EDNRA: variants seen among roughly 807,000 people sequenced by gnomAD.
EDNRA encodes endothelin-1 receptor.
In EDNRA, 11 loss-of-function variants were observed where a neutral mutation model predicts 41.4. That is an observed-to-expected ratio of 0.27 (90% confidence interval 0.17 to 0.44). The LOEUF is 0.44. EDNRA is among the 20% of genes least tolerant of loss of function. The probability of loss-of-function intolerance (pLI) is 1.00; values close to 1 mark genes in which losing one functional copy is unlikely to be tolerated. For synonymous variants in EDNRA, 172 were observed against 183.0 expected (o/e 0.94, Z 0.49); for missense variants, 294 against 531.0 (o/e 0.55, Z 4.39).
intron 4 of EDNRA, among the ~76,000 whole-genome samples, 153 bp downstream of exon 4, chr4:147,532,857 T>G (rs1315210794): frequency 1.1e-4 from 17 of 152,232 alleles, no homozygotes; most frequent in Admixed American, 8.5e-4. Flanking sequence ...GTTAAACCTG[T>G]GTCTAGATTC....
intron 3 of EDNRA, among the ~76,000 whole-genome samples, chr4:147,524,032 T>G (rs1730442735): frequency 6.6e-6 from 1 of 152,168 alleles, no homozygotes; most frequent in African/African-American, 2.4e-5. Flanking sequence ...ACTATCTTTT[T>G]GATCTCTGGA....
chr4:147,505,467 G>C (rs1291694072), intron 2 of EDNRA, among the ~76,000 whole-genome samples: 1 of 148,862 alleles, frequency 6.7e-6, no homozygotes, highest in Non-Finnish European at 1.5e-5. Context: ...TCAGCCTCCT[G>C]AGTAACTAGG....
Position 147,534,719 on chromosome 4 carries a change from T to G in EDNRA, c.748-1158T>G, listed in dbSNP as rs569103300. ...TGAATAAACACAATATTACTATATC[T>G]AAATTTAATTTCTAATATTTTGATA... is the stretch of plus-strand genomic sequence containing the variant. On this transcript the variant is annotated intron_variant, in intron 4 of 7. Coordinates refer to ENST00000651419, the MANE Select transcript of EDNRA (RefSeq NM_001957.4). Among the ~76,000 whole-genome samples the G allele has an allele frequency of 4.6e-5, 7 of 152,368 alleles. No individual in the cohort carries two copies. In the East Asian group the frequency reaches 9.6e-4, roughly 21 times the overall value.
rs13113405 is a variant in EDNRA at position 147,530,794 on chromosome 4, A to G, written c.549-1712A>G. Among the ~76,000 whole-genome samples the G allele has an allele frequency of 4.4e-3, 665 of 152,296 alleles. 1 individual carries two copies. Among genetic ancestry groups the G allele is most frequent in the Non-Finnish European group, 7.1e-3 (481 of 68,012 alleles). On this transcript the variant is annotated intron_variant, in intron 3 of 7. Coordinates refer to ENST00000651419, the MANE Select transcript of EDNRA (RefSeq NM_001957.4). ...GTCTTGGTGGATATGGGTAGCTTGT[A>G]TGTTGCCTTGGCTTTATTGATTAAT...
chr4:147,520,267 GT>G (rs1312791570), intron 3 of EDNRA, among the ~76,000 whole-genome samples: 1 of 152,154 alleles, frequency 6.6e-6, no homozygotes, highest in Non-Finnish European at 1.5e-5. Flanking sequence ...AATAAACTTT[GT>G]GAAAAGGAGA....
At chr4:147,540,538 C>A in intron 7 of EDNRA, 53 bp downstream of exon 7, 2 of 1,277,414 alleles carry the variant, frequency 1.6e-6, no homozygotes, top group Non-Finnish European at 1.1e-6. Context: ...GTATATTAAA[C>A]AGTCAACAGA....
intron 2 of EDNRA, among the ~76,000 whole-genome samples, chr4:147,518,626 T>A (rs1217476149): frequency 6.6e-6 from 1 of 152,118 alleles, no homozygotes; most frequent in East Asian, 1.9e-4. Flanking sequence ...TTTCCCAAAC[T>A]CTTTCAAAGG....
At chr4:147,542,160 C>T (rs531448789) in intron 7 of EDNRA, among the ~76,000 whole-genome samples, 1 of 152,092 alleles carries the variant, frequency 6.6e-6, no homozygotes, top group Non-Finnish European at 1.5e-5. Context: ...ACGCTAGGAC[C>T]CCCCCACCAG....
rs1240110016 is a variant in EDNRA at position 147,523,482 on chromosome 4, T to G, written c.548+3504T>G. The stretch of plus-strand genomic sequence containing the variant: ...GTTTGTTTTTTTTTGTTGTTGTTGT[T>G]TTTTTGTTTTTTTTGTTTTTTTTTT... On this transcript the variant is annotated intron_variant, in intron 3 of 7. Transcript: ENST00000651419. Among the ~76,000 whole-genome samples, 892 of 142,326 alleles carry G rather than the reference T, an allele frequency of 6.3e-3. 22 individuals carry two copies. Among genetic ancestry groups the G allele is most frequent in the South Asian group, 0.02 (94 of 4,600 alleles). The allele number at this position is 142,326 out of a possible 152,430, so 93.4% of individuals were successfully genotyped here.
chr4:147,538,568 C>T (rs1248099744), intron 5 of EDNRA, among the ~76,000 whole-genome samples: 2 of 152,200 alleles, frequency 1.3e-5, no homozygotes, highest in South Asian at 2.1e-4. Context: ...CCCTAATACA[C>T]TGCTTTTCTA....
At chr4:147,532,384 T>A in intron 3 of EDNRA, 122 bp from the exon 4 acceptor site, 1 of 722,954 alleles carries the variant, frequency 1.4e-6, no homozygotes, top group Non-Finnish European at 2.3e-6. Context: ...CTCAGAAAAT[T>A]CCTAAAAAGA....
At chr4:147,508,534 A>T (rs1380276947) in intron 2 of EDNRA, among the ~76,000 whole-genome samples, 1 of 152,194 alleles carries the variant, frequency 6.6e-6, no homozygotes, top group East Asian at 1.9e-4. Context: ...ATTTTTGCCT[A>T]ACCCAAGATC....
At chr4:147,530,190 A>G (rs556282449) in intron 3 of EDNRA, among the ~76,000 whole-genome samples, 9 of 152,202 alleles carry the variant, frequency 5.9e-5, no homozygotes, top group Non-Finnish European at 1.3e-4. Flanking sequence ...CCTGGCAAGG[A>G]AATCAGGTTT....
chr4:147,506,981 C>T (rs1011273342), intron 2 of EDNRA, among the ~76,000 whole-genome samples: 3 of 151,998 alleles, frequency 2.0e-5, no homozygotes, highest in African/African-American at 7.2e-5. Context: ...TGTATTAAAC[C>T]AGGCTATTCA....
intron 7 of EDNRA, among the ~76,000 whole-genome samples, chr4:147,540,985 G>A (rs1055089084): frequency 2.7e-5 from 4 of 149,390 alleles, no homozygotes; most frequent in Middle Eastern, 3.5e-3. Context: ...GGAGAATGGC[G>A]TGAACCCAAG....
rs367939469 is a variant in EDNRA at position 147,514,774 on chromosome 4, C to G, written c.421-5077C>G. On this transcript the variant is annotated intron_variant, in intron 2 of 7. Coordinates refer to ENST00000651419, the MANE Select transcript of EDNRA (RefSeq NM_001957.4). ...CAGGTGTGAGCCACTGCACCCAGCC[C>G]AAGATTTTTTATTTCTTGTGACTAT... 6.8e-4 allele frequency among the ~76,000 whole-genome samples: 104 copies of G among 152,216 alleles called. 2 individuals are homozygous for G. In the South Asian group the frequency reaches 0.02, roughly 30 times the overall value.
chr4:147,484,007 C>T (rs964931923), intron 1 of EDNRA, among the ~76,000 whole-genome samples: 4 of 152,108 alleles, frequency 2.6e-5, no homozygotes, highest in Non-Finnish European at 5.9e-5. Flanking sequence ...AGACATGAGC[C>T]ACCACACCCA....
chr4:147,542,672 C>T lies in EDNRA; in HGVS notation c.*54C>T, dbSNP rs867428850. On this transcript the variant is annotated 3_prime_UTR_variant, in exon 8 of 8. Transcript: ENST00000651419. ...CCATAATCCTCTCGGAGAAAAAAAT[C>T]ACAAGGCAACTGTGAGTCCGGGAAT... 1.1e-5 allele frequency: 17 copies of T among 1,590,058 alleles called. No homozygotes were observed. The highest frequency in any genetic ancestry group is 1.5e-5 in the Non-Finnish European group (17 of 1,166,166).
At chr4:147,524,907 TAAAAATA>T (rs1415871256) in intron 3 of EDNRA, among the ~76,000 whole-genome samples, 1 of 150,976 alleles carries the variant, frequency 6.6e-6, no homozygotes, top group African/African-American at 2.4e-5. Context: ...CAAAAAAAAA[TAAAAATA>T]AAAAATAAAA....
Sources: allele counts gnomAD v4.1 joint callset (sites outside exome capture counted in the v4.1 genomes callset), GRCh38; gene constraint gnomAD v4.1.1; transcripts MANE v1.5; gene names NCBI Gene and HGNC (gene_info 2026-07-23, HGNC 2026-07-21).